DLGAP1: variants seen among roughly 807,000 people sequenced by gnomAD.
DLGAP1 encodes DLG associated protein 1.
In DLGAP1, 11 loss-of-function variants were observed where a neutral mutation model predicts 90.8. That is an observed-to-expected ratio of 0.12 (90% CI 0.08 to 0.20). The LOEUF is 0.20. DLGAP1 is among the 10% of genes least tolerant of loss of function. The pLI, the probability that DLGAP1 is intolerant of heterozygous loss-of-function variation, is 1.00. For synonymous variants in DLGAP1, 558 were observed against 540.7 expected (o/e 1.03, Z -0.44); for missense variants, 1,050 against 1,333.8 (o/e 0.79, Z 3.31).
chr18:3,886,528 CTTGCATCTATTTTTTTTGTACCCA>C (rs2071319462), intron 3 of DLGAP1, among the ~76,000 whole-genome samples: 1 of 129,784 alleles, frequency 7.7e-6, no homozygotes, highest in African/African-American at 2.9e-5. Flanking sequence ...TTCATTCGGA[CTTGCATCTATTTTTTTTGTACCCA>C]TTAATCATCC....
intron 4 of DLGAP1, among the ~76,000 whole-genome samples, chr18:3,870,550 T>C (rs1036962149): frequency 2.0e-5 from 3 of 152,200 alleles, no homozygotes; most frequent in Non-Finnish European, 1.5e-5. Context: ...CATGGTCCCA[T>C]TGTTCCAATA....
chr18:4,384,110 T>C (rs1346566576), intron 1 of DLGAP1, among the ~76,000 whole-genome samples: 2 of 152,160 alleles, frequency 1.3e-5, no homozygotes, highest in African/African-American at 2.4e-5. Context: ...AATGACAGAA[T>C]TGAAGATATT....
chr18:4,237,996 C>A (rs995339042), intron 1 of DLGAP1, among the ~76,000 whole-genome samples: 1 of 152,092 alleles, frequency 6.6e-6, no homozygotes, highest in African/African-American at 2.4e-5. Context: ...GGTATAGCAT[C>A]CTGGTTGAGC....
chr18:4,015,131 T>C (rs766644477), intron 2 of DLGAP1, among the ~76,000 whole-genome samples: 1 of 152,114 alleles, frequency 6.6e-6, no homozygotes, highest in East Asian at 1.9e-4. Flanking sequence ...CTTCTGTGGA[T>C]TGAAAGCTCT....
intron 8 of DLGAP1, among the ~76,000 whole-genome samples, chr18:3,570,805 G>A (rs1345617977): frequency 1.3e-5 from 2 of 151,588 alleles, no homozygotes; most frequent in Non-Finnish European, 1.5e-5. Flanking sequence ...AGTGGCATGC[G>A]CCTGTACTCC....
chr18:3,687,374 A>G (rs1331134212), intron 7 of DLGAP1, among the ~76,000 whole-genome samples: 1 of 152,194 alleles, frequency 6.6e-6, no homozygotes, highest in African/African-American at 2.4e-5. Flanking sequence ...GCTTCATGAA[A>G]TGGACAGATG....
At chr18:3,730,664 C>T (rs2062390376) in intron 6 of DLGAP1, among the ~76,000 whole-genome samples, 2 of 151,886 alleles carry the variant, frequency 1.3e-5, no homozygotes, top group South Asian at 2.1e-4. Flanking sequence ...TTTTGGCTGT[C>T]TCCTCATTTT....
chr18:3,901,977 G>A (rs767579135), intron 3 of DLGAP1, among the ~76,000 whole-genome samples: 12 of 152,042 alleles, frequency 7.9e-5, no homozygotes, highest in Non-Finnish European at 1.5e-4. Flanking sequence ...TTGTCTTTCC[G>A]CTCCACCAAG....
intron 5 of DLGAP1, among the ~76,000 whole-genome samples, chr18:3,769,856 GA>G (rs397858507): frequency 9.9e-5 from 15 of 150,830 alleles, no homozygotes; most frequent in African/African-American, 3.2e-4. Context: ...GGTGGGGGGG[GA>G]AAACTGGGTA....
intron 1 of DLGAP1, among the ~76,000 whole-genome samples, chr18:4,213,397 T>C (rs1423323318): frequency 6.6e-6 from 1 of 151,922 alleles, no homozygotes; most frequent in Admixed American, 6.6e-5. Flanking sequence ...GGAGGAAGAA[T>C]GGAAAGGAGT....
Position 4,345,391 on chromosome 18 carries a change from C to T in DLGAP1, c.-267+109615G>A, listed in dbSNP as rs868297608. 5.3e-5 allele frequency among the ~76,000 whole-genome samples: 8 copies of T among 152,130 alleles called. 1 individual carries two copies. In the South Asian group the frequency reaches 6.2e-4, roughly 12 times the overall value. ...GACTTTTAAGTTTGAGGAAAAGATA[C>T]ATGGAAGTAAACTTATATGCACTAG... On this transcript the variant is annotated intron_variant, in intron 1 of 12. Transcript: ENST00000315677.
intron 3 of DLGAP1, among the ~76,000 whole-genome samples, chr18:3,999,629 A>G (rs2074140437): frequency 6.6e-6 from 1 of 152,182 alleles, no homozygotes; most frequent in South Asian, 2.1e-4. Flanking sequence ...ACAACAAAAC[A>G]CATTTAGAAA....
At chr18:3,822,672 C>T (rs571771126) in intron 4 of DLGAP1, among the ~76,000 whole-genome samples, 1 of 152,248 alleles carries the variant, frequency 6.6e-6, no homozygotes, top group African/African-American at 2.4e-5. Context: ...GTGTGAAGTG[C>T]AAATGCCACT....
chr18:4,045,142 G>A (rs990221226), intron 2 of DLGAP1, among the ~76,000 whole-genome samples: 1 of 151,730 alleles, frequency 6.6e-6, no homozygotes, highest in Non-Finnish European at 1.5e-5. Flanking sequence ...AGTCCTCCAC[G>A]CCGAGCCACT....
intron 10 of DLGAP1, among the ~76,000 whole-genome samples, chr18:3,510,068 T>C (rs1276639093): frequency 6.6e-6 from 1 of 151,854 alleles, no homozygotes; most frequent in Non-Finnish European, 1.5e-5. Flanking sequence ...TTTTAAAATC[T>C]CTTGGGATGG....
intron 4 of DLGAP1, among the ~76,000 whole-genome samples, chr18:3,860,686 T>G (rs1369235349): frequency 6.6e-6 from 1 of 152,168 alleles, no homozygotes; most frequent in Non-Finnish European, 1.5e-5. Flanking sequence ...GCTCCCATGA[T>G]CTCCACCTCC....
intron 2 of DLGAP1, among the ~76,000 whole-genome samples, chr18:4,011,827 C>T (rs1443135851): frequency 1.3e-5 from 2 of 151,752 alleles, no homozygotes; most frequent in Non-Finnish European, 2.9e-5. Context: ...GAACATGACC[C>T]TGTCTCAAAC....
chr18:3,756,488 T>G (rs551288355), intron 5 of DLGAP1, among the ~76,000 whole-genome samples: 2 of 152,226 alleles, frequency 1.3e-5, no homozygotes, highest in South Asian at 4.1e-4. Flanking sequence ...ACAGGAAAAT[T>G]AATAACTTTA....
intron 4 of DLGAP1, among the ~76,000 whole-genome samples, chr18:3,853,640 C>T (rs1361247648): frequency 2.6e-5 from 4 of 151,724 alleles, no homozygotes; most frequent in East Asian, 1.9e-4. Flanking sequence ...AAGGTATTCC[C>T]GTCATTAAGT....
Sources: allele counts gnomAD v4.1 joint callset (sites outside exome capture counted in the v4.1 genomes callset), GRCh38; gene constraint gnomAD v4.1.1; transcripts MANE v1.5; gene names NCBI Gene and HGNC (gene_info 2026-07-23, HGNC 2026-07-21).